CFAP43: variants seen among roughly 807,000 people sequenced by gnomAD.
The protein encoded by CFAP43 is cilia- and flagella-associated protein 43.
Under a neutral mutation model 218.9 loss-of-function variants are expected in CFAP43, and 155 were observed. The observed-to-expected ratio is 0.71, with a 90% CI of 0.62 to 0.81. CFAP43 has a LOEUF of 0.81. Ranked by LOEUF, CFAP43 falls within the 30% of genes least tolerant of loss-of-function variation. CFAP43 has a pLI of 0.00. For synonymous variants in CFAP43, 645 were observed against 681.3 expected (o/e 0.95, Z 0.83); for missense variants, 1,778 against 1,954.3 (o/e 0.91, Z 1.70).
At chr10:104,192,022 TA>T (rs2090241320) in intron 12 of CFAP43, among the ~76,000 whole-genome samples, 176 bp downstream of exon 12, 1 of 152,204 alleles carries the variant, frequency 6.6e-6, no homozygotes, top group Non-Finnish European at 1.5e-5. Flanking sequence ...ATATTCCAAA[TA>T]CATCAAAATA....
chr10:104,151,869 G>GTTTACA (rs1212821749), intron 28 of CFAP43, among the ~76,000 whole-genome samples: 9 of 152,072 alleles, frequency 5.9e-5, no homozygotes, highest in Admixed American at 3.3e-4. Context: ...TAGTTTGGGG[G>GTTTACA]TTTACATTTA....
At chr10:104,167,369 A>G (rs1024273619) in intron 22 of CFAP43, among the ~76,000 whole-genome samples, 1 of 152,202 alleles carries the variant, frequency 6.6e-6, no homozygotes, top group Non-Finnish European at 1.5e-5. Context: ...CAGAACACCA[A>G]ATCTCACTTT....
intron 21 of CFAP43, among the ~76,000 whole-genome samples, chr10:104,167,976 A>G (rs530793170): frequency 6.6e-6 from 1 of 152,300 alleles, no homozygotes; most frequent in South Asian, 2.1e-4. Flanking sequence ...GTAGTTCTCA[A>G]CTAGGAGCAA....
rs200355740 is a variant in CFAP43 at position 104,193,976 on chromosome 10, T to G, written c.1332A>C (p.Ala444=). 3 of 1,614,080 alleles carry G rather than the reference T, an allele frequency of 1.9e-6. No homozygotes were observed. Among genetic ancestry groups the G allele is most frequent in the Middle Eastern group, 1.6e-4 (1 of 6,062 alleles). ...CCGAGCCATCCTCCGTGCCCACGGC[T>G]GCAGAGAGGGAGGATGGACAGCAAG... ...VLACCPSSLS[A]AVGTEDGSVY... is the part of the protein sequence containing the mutation. The change falls in exon 11 of 38, where the codon GCA becomes GCC. Residue 444 remains alanine, a synonymous_variant. Coordinates refer to ENST00000357060, the MANE Select transcript of CFAP43 (RefSeq NM_025145.7).
intron 17 of CFAP43, among the ~76,000 whole-genome samples, chr10:104,181,100 G>A (rs900818070): frequency 6.6e-6 from 1 of 152,160 alleles, no homozygotes; most frequent in Non-Finnish European, 1.5e-5. Context: ...GGCTTCTCGA[G>A]CTTAATGTGG....
chr10:104,188,341 AC>A lies in CFAP43; in HGVS notation c.1615del (p.Val539CysfsTer36), dbSNP rs762844268. The A allele has an allele frequency of 6.2e-6, 10 of 1,614,202 alleles. No homozygotes were observed. Among genetic ancestry groups the A allele is most frequent in the Non-Finnish European group, 8.5e-6 (10 of 1,180,028 alleles). On this transcript the variant is annotated frameshift_variant, in exon 13 of 38. Transcript: ENST00000357060. LOFTEE classifies it high-confidence loss of function. ...CCCTGCTTCTGGAAGCGAGGAAAGCACCATCACTTCCACTATGTCTGTTTCT... is the reference window on the plus strand; with the variant it reads ...CCCTGCTTCTGGAAGCGAGGAAAGCACATCACTTCCACTATGTCTGTTTCT... ...LLETDIVEVM[V>X]LSSLPEAGRS...
chr10:104,226,251 T>C (rs2135011329), intron 2 of CFAP43, among the ~76,000 whole-genome samples: 1 of 152,362 alleles, frequency 6.6e-6, no homozygotes, highest in East Asian at 1.9e-4. Flanking sequence ...TGTCTTTGTA[T>C]GTTTGTGTCT....
chr10:104,230,695 C>T lies in CFAP43; in HGVS notation c.214G>A (p.Ala72Thr). The T allele has an allele frequency of 1.2e-6, 2 of 1,614,020 alleles. No individual in the cohort carries two copies. Among genetic ancestry groups the T allele is most frequent in the Non-Finnish European group, 1.7e-6 (2 of 1,179,996 alleles). Residue 72 changes from alanine to threonine, a missense_variant, in exon 2 of 38, where the codon GCA (alanine) becomes ACA (threonine). Physicochemically the swap from Ala to Thr is moderately conservative, Grantham distance 58. This residue lies in a region of CFAP43 where 1,553 missense variants were observed against 1,685.2 expected (regional missense o/e 0.92). Transcript: ENST00000357060. Reference sequence around the variant, plus strand: ...ACAACTTCACAGGGGATGTTAGTTGCCATGACGCCCACAATTCCATTACTA... The same window carrying T: ...ACAACTTCACAGGGGATGTTAGTTGTCATGACGCCCACAATTCCATTACTA... ...QCSNGIVGVM[A>T]TNIPCEVVAF...
chr10:104,185,094 G>A lies in CFAP43; in HGVS notation c.2063C>T (p.Ser688Leu). The A allele has an allele frequency of 6.2e-7, 1 of 1,614,042 alleles. No homozygotes were observed. The highest frequency in any genetic ancestry group is 1.6e-4 in the Middle Eastern group (1 of 6,062). ...SHSHQGHGIQ[S>L]MRISMDGQNI... ...TTGTCCATCCATTGAAATTCTCATT[G>A]ACTGAATCCCATGACCCTGGTGAGA... Residue 688 changes from serine to leucine, a missense_variant, in exon 16 of 38, where the codon TCA becomes TTA. Ser to Leu is a moderately radical substitution (Grantham distance 145, BLOSUM62 -2). Around this residue, in one of 3 missense-constraint regions of CFAP43, gnomAD observed 1,553 missense variants for 1,685.2 expected, o/e 0.92. Coordinates refer to ENST00000357060, the MANE Select transcript of CFAP43 (RefSeq NM_025145.7).
At chr10:104,131,219 A>C in intron 37 of CFAP43, 112 bp downstream of exon 37, 2 of 1,289,998 alleles carry the variant, frequency 1.6e-6, no homozygotes, top group Non-Finnish European at 1.1e-6. Flanking sequence ...TATTTTAAAC[A>C]ATGTATTTTT....
chr10:104,160,461 AT>A (rs1255522559), intron 27 of CFAP43, among the ~76,000 whole-genome samples: 1 of 152,140 alleles, frequency 6.6e-6, no homozygotes, highest in Non-Finnish European at 1.5e-5. Flanking sequence ...AATAAATATT[AT>A]TTACTTGACT....
intron 3 of CFAP43, 86 bp downstream of exon 3, chr10:104,225,375 C>T: frequency 9.7e-7 from 1 of 1,033,948 alleles, no homozygotes; most frequent in Non-Finnish European, 1.4e-6. Flanking sequence ...TCAGATTTTT[C>T]ATGTCTATTT....
chr10:104,220,986 GTGTGTT>G (rs943033482), intron 3 of CFAP43, among the ~76,000 whole-genome samples: 1 of 149,178 alleles, frequency 6.7e-6, no homozygotes, highest in African/African-American at 2.5e-5. Flanking sequence ...GTGTGTGTGT[GTGTGTT>G]TGAGACGGAG....
Position 104,182,269 on chromosome 10 carries a change from T to C in CFAP43, c.2289+97A>G, listed in dbSNP as rs529475934. ...TGGGATACCTGGATAAAGAGAAATA[T>C]TACTAAATATCTGCTTAAAGAAAAC... On this transcript the variant is annotated intron_variant, in intron 17 of 37. Coordinates refer to ENST00000357060, the MANE Select transcript of CFAP43 (RefSeq NM_025145.7). 1.5e-5 allele frequency: 19 copies of C among 1,298,670 alleles called. No homozygotes were observed. The South Asian group carries it at 3.0e-4, about 20-fold the overall frequency. The allele number at this position is 1,298,670 out of a possible 1,614,324, so 80.4% of individuals were successfully genotyped here.
At chr10:104,157,805 A>AGAGAGAGAGAGAGAGAGAGT (rs2088653280) in intron 27 of CFAP43, among the ~76,000 whole-genome samples, 1 of 145,642 alleles carries the variant, frequency 6.9e-6, no homozygotes, top group African/African-American at 2.5e-5. Flanking sequence ...AGAGAGAGAG[A>AGAGAGAGAGAGAGAGAGAGT]GAGAATGACT....
intron 23 of CFAP43, 124 bp downstream of exon 23, chr10:104,166,364 G>A: frequency 1.4e-6 from 1 of 721,450 alleles, no homozygotes; most frequent in Non-Finnish European, 2.3e-6. Flanking sequence ...GAGCCACTGT[G>A]CCCAGCCTCC....
chr10:104,162,015 C>G lies in CFAP43; in HGVS notation c.3360G>C (p.Leu1120=). The G allele has an allele frequency of 2.5e-6, 4 of 1,613,804 alleles. No homozygotes were observed. The highest frequency in any genetic ancestry group is 3.4e-6 in the Non-Finnish European group (4 of 1,179,946). The change falls in exon 26 of 38, where the codon CTG becomes CTC. Residue 1120 remains leucine, a synonymous_variant. Coordinates refer to ENST00000357060, the MANE Select transcript of CFAP43 (RefSeq NM_025145.7). Reference sequence around the variant, plus strand: ...CCAGAACTCCTCCCATCATGTCCATCAGAGCTCGGAGTCTTGTACTGGCAT... The same window carrying G: ...CCAGAACTCCTCCCATCATGTCCATGAGAGCTCGGAGTCTTGTACTGGCAT... ...IQDASTRLRA[L]MDMMGGVLEV...
intron 2 of CFAP43, 69 bp downstream of exon 2, chr10:104,230,521 T>C: frequency 6.6e-7 from 1 of 1,521,816 alleles, no homozygotes; most frequent in South Asian, 1.2e-5. Context: ...TCTTCACTTA[T>C]AATAGATTTA....
At position 104,232,197 on chromosome 10, in the gene CFAP43, G is replaced by A. The variant is rs746706695; in HGVS notation, c.50C>T (p.Ala17Val). The change falls in exon 1 of 38, where the codon GCG becomes GTG. Residue 17 changes from alanine to valine, a missense_variant. Transcript: ENST00000357060. Reference protein sequence around the residue: ...RDEGPHSAGGASLSVRWVQGF... With the variant: ...RDEGPHSAGGVSLSVRWVQGF... ...AACACCGCACCTCACGGACAAGGAC[G>A]CGCCGCCGGCGGAGTGGGGGCCTTC... is the stretch of plus-strand genomic sequence containing the variant. 6.2e-7 allele frequency: 1 copy of A among 1,609,216 alleles called. No homozygotes were observed. The highest frequency in any genetic ancestry group is 8.5e-7 in the Non-Finnish European group (1 of 1,178,420).
Sources: allele counts gnomAD v4.1 joint callset (sites outside exome capture counted in the v4.1 genomes callset), GRCh38; gene constraint gnomAD v4.1.1; regional missense constraint gnomAD v4.1.1; transcripts MANE v1.5; gene names NCBI Gene and HGNC (gene_info 2026-07-23, HGNC 2026-07-21).